SPIC: variants seen among roughly 807,000 people sequenced by gnomAD.
SPIC encodes the protein Spi-C transcription factor.
SPIC carries 9 observed loss-of-function variants against 16.7 expected under a neutral mutation model. The observed-to-expected ratio is 0.54, with a 90% confidence interval of 0.33 to 0.94. The LOEUF (loss-of-function observed/expected upper bound fraction) is 0.94. SPIC is among the 40% of genes least tolerant of loss of function. SPIC has a pLI of 0.03. For synonymous variants in SPIC, 97 were observed against 102.9 expected (o/e 0.94, Z 0.35); for missense variants, 241 against 285.8 (o/e 0.84, Z 1.13).
At chr12:101,481,925 T>C (rs540541140) in intron 4 of SPIC, among the ~76,000 whole-genome samples, 2 of 129,982 alleles carry the variant, frequency 1.5e-5, no homozygotes, top group South Asian at 5.5e-4. Context: ...AGTGCTGGGA[T>C]TACAGGCATG....
intron 5 of SPIC, among the ~76,000 whole-genome samples, chr12:101,484,363 G>A (rs888177532): frequency 2.0e-5 from 3 of 151,156 alleles, no homozygotes; most frequent in South Asian, 2.1e-4. Flanking sequence ...GTGAAGCTCC[G>A]TCTCTACAAA....
At chr12:101,479,257 G>GAAAAAGAAAGAAAGAAAGAAA (rs1387471269) in intron 3 of SPIC, among the ~76,000 whole-genome samples, 3 of 87,614 alleles carry the variant, frequency 3.4e-5, no homozygotes, top group African/African-American at 9.7e-5. Flanking sequence ...AAAGAAAGAA[G>GAAAAAGAAAGAAAGAAAGAAA]GAAGGAAAGA....
intron 3 of SPIC, among the ~76,000 whole-genome samples, 155 bp downstream of exon 3, chr12:101,477,806 C>A (rs150303404): frequency 6.6e-6 from 1 of 152,120 alleles, no homozygotes; most frequent in Non-Finnish European, 1.5e-5. Context: ...CACTTAAGAC[C>A]AGGAATTCAA....
chr12:101,485,929 G>A (rs1453511895), intron 5 of SPIC, among the ~76,000 whole-genome samples: 1 of 152,118 alleles, frequency 6.6e-6, no homozygotes, highest in Non-Finnish European at 1.5e-5. Context: ...TCAGCCTCCC[G>A]AGTAGCTGGG....
In SPIC at chr12:101,480,691, A is replaced by G. The variant is rs200315907; in HGVS notation, c.210+997A>G. Among the ~76,000 whole-genome samples the G allele has an allele frequency of 7.9e-5, 12 of 152,302 alleles. No individual in the cohort carries two copies. The East Asian group carries it at 2.3e-3, about 29-fold the overall frequency. On this transcript the variant is annotated intron_variant, in intron 4 of 5. Transcript: ENST00000551346. ...GCCTCTTCACAAGACATTTTATTTT[A>G]AGAGAGTGCTTTGGGCTGGGCTCAG...
Position 101,486,512 on chromosome 12 carries a change from C to G in SPIC, c.488C>G (p.Thr163Ser), listed in dbSNP as rs151030484. Residue 163 changes from threonine to serine, a missense_variant, in exon 6 of 6, where the codon ACC (threonine) becomes AGC (serine). Coordinates refer to ENST00000551346, the MANE Select transcript of SPIC (RefSeq NM_152323.3). ...GGGAAAAGAAAAGGCAACAGGAAGA[C>G]CATGACTTACCAGAAAATGGCCAGG... ...LWGKRKGNRK[T>S]MTYQKMARAL... is the part of the protein sequence containing the mutation. 1.0e-3 allele frequency: 1,670 copies of G among 1,613,986 alleles called. 3 individuals are homozygous for G. The highest frequency in any genetic ancestry group is 1.3e-3 in the Non-Finnish European group (1,554 of 1,180,032).
intron 3 of SPIC, among the ~76,000 whole-genome samples, chr12:101,479,287 A>G (rs1384809174): frequency 0.087 from 4,086 of 46,960 alleles, 320 homozygotes; most frequent in African/African-American, 0.21. Flanking sequence ...AGAAAGAAAA[A>G]GAAAGAAAGA....
chr12:101,483,028 A>C lies in SPIC; in HGVS notation c.319+128A>C, dbSNP rs1873256355. ...TATTCTTTTATCACATTTGAGAGTA[A>C]TTTAACTCTGACTTCTTGAAACAGT... On this transcript the variant is annotated intron_variant, in intron 5 of 5. Coordinates refer to ENST00000551346, the MANE Select transcript of SPIC (RefSeq NM_152323.3). 4 of 743,322 alleles carry C rather than the reference A, an allele frequency of 5.4e-6. No individual in the cohort carries two copies. In the South Asian group the frequency reaches 5.4e-5, roughly 10 times the overall value. 46.0% of individuals were successfully genotyped at this position (743,322 alleles called of 1,614,324 possible).
chr12:101,483,814 T>G (rs928007568), intron 5 of SPIC, among the ~76,000 whole-genome samples: 1 of 151,716 alleles, frequency 6.6e-6, no homozygotes, highest in African/African-American at 2.4e-5. Context: ...GCCAGGCTGG[T>G]CTCGAAACCC....
rs778900061 is a variant in SPIC, at chr12:101,486,486, G to C, written c.462G>C (p.Trp154Cys). ...ACAAAGAAAAACTTGCCGAGCTTTG[G>C]GGGAAAAGAAAAGGCAACAGGAAGA... ...SKNKEKLAEL[W>C]GKRKGNRKTM... The change falls in exon 6 of 6, where the codon TGG (tryptophan) becomes TGC (cysteine). Residue 154 changes from tryptophan (W) to cysteine (C), a missense_variant. Physicochemically the swap from Trp to Cys is radical, Grantham distance 215. Coordinates refer to ENST00000551346, the MANE Select transcript of SPIC (RefSeq NM_152323.3). 1 of 1,614,158 alleles carries C rather than the reference G, an allele frequency of 6.2e-7. No individual in the cohort carries two copies. The highest frequency in any genetic ancestry group is 1.1e-5 in the South Asian group (1 of 91,082).
chr12:101,477,148 T>C (rs948831433), intron 2 of SPIC, among the ~76,000 whole-genome samples: 4 of 152,178 alleles, frequency 2.6e-5, no homozygotes, highest in African/African-American at 9.7e-5. Flanking sequence ...TCCTTGGCCC[T>C]TTTTTTCTAA....
Position 101,486,843 on chromosome 12 carries a change from T to A in SPIC, c.*72T>A. The A allele has an allele frequency of 7.7e-7, 1 of 1,294,966 alleles. No homozygotes were observed. Among genetic ancestry groups the A allele is most frequent in the Non-Finnish European group, 1.0e-6 (1 of 965,420 alleles). 80.2% of individuals were successfully genotyped at this position (1,294,966 alleles called of 1,614,324 possible). On this transcript the variant is annotated 3_prime_UTR_variant, in exon 6 of 6. Transcript: ENST00000551346. ...AGTTTTAATGATTTCTCCCTCCCTC[T>A]CTTTTTTTCCTCCTCTGAAGAAATT...
rs1565831142 is a variant in SPIC at position 101,479,224 on chromosome 12, G to GAA, written c.98-356_98-355dup. Among the ~76,000 whole-genome samples the GAA allele has an allele frequency of 7.5e-4, 62 of 82,140 alleles. 3 individuals carry two copies. Among genetic ancestry groups the GAA allele is most frequent in the Middle Eastern group, 0.016 (2 of 128 alleles). 53.9% of individuals were successfully genotyped at this position (82,140 alleles called of 152,430 possible). On this transcript the variant is annotated intron_variant, in intron 3 of 5. Coordinates refer to ENST00000551346, the MANE Select transcript of SPIC (RefSeq NM_152323.3). Reference sequence around the variant, plus strand: ...AGAAAGAAAGAAAGAAAGAAAGAAGGAAAGAAAGAAAGAAAGAAAAAGAAA... The same window carrying GAA: ...AGAAAGAAAGAAAGAAAGAAAGAAGGAAAAAGAAAGAAAGAAAGAAAAAGAAA...
At chr12:101,485,304 C>T (rs1223220906) in intron 5 of SPIC, among the ~76,000 whole-genome samples, 1 of 152,190 alleles carries the variant, frequency 6.6e-6, no homozygotes, top group East Asian at 1.9e-4. Flanking sequence ...CTTTTGTTCT[C>T]ATGAGCTGTT....
chr12:101,485,045 C>T (rs999517677), intron 5 of SPIC, among the ~76,000 whole-genome samples: 7 of 152,184 alleles, frequency 4.6e-5, no homozygotes, highest in Admixed American at 4.6e-4. Context: ...TTTCATTTCT[C>T]AATTCATAAA....
At chr12:101,480,852 T>C (rs1001783396) in intron 4 of SPIC, among the ~76,000 whole-genome samples, 3 of 152,210 alleles carry the variant, frequency 2.0e-5, no homozygotes, top group Non-Finnish European at 4.4e-5. Context: ...AAATTTTAAA[T>C]AGAGGGTGCT....
chr12:101,483,491 T>A (rs1873272685), intron 5 of SPIC, among the ~76,000 whole-genome samples: 1 of 152,202 alleles, frequency 6.6e-6, no homozygotes, highest in African/African-American at 2.4e-5. Flanking sequence ...TTATTATTTA[T>A]TGATTGTTTT....
At chr12:101,479,774 C>A in intron 4 of SPIC, 80 bp downstream of exon 4, 1 of 1,071,458 alleles carries the variant, frequency 9.3e-7, no homozygotes, top group Non-Finnish European at 1.4e-6. Flanking sequence ...CTGTCTGAAA[C>A]CCAGCTTAAA....
intron 4 of SPIC, among the ~76,000 whole-genome samples, chr12:101,482,086 T>C (rs1873219883): frequency 6.8e-6 from 1 of 147,304 alleles, no homozygotes; most frequent in African/African-American, 2.5e-5. Flanking sequence ...CTACTAAAAA[T>C]ACAAAATTAG....
Sources: gnomAD v4.1 joint callset for allele counts (sites outside exome capture counted in the v4.1 genomes callset) on GRCh38, gnomAD v4.1.1 for gene constraint, MANE v1.5 for transcripts, NCBI Gene and HGNC (gene_info 2026-07-23, HGNC 2026-07-21) for gene names.